PIK3R1: variants seen among roughly 807,000 people sequenced by gnomAD.
The protein encoded by PIK3R1 is phosphoinositide-3-kinase regulatory subunit 1, also known as phosphatidylinositol 3-kinase regulatory subunit alpha.
Under a neutral mutation model 98.0 loss-of-function variants are expected in PIK3R1, and 29 were observed. That is an observed-to-expected ratio of 0.30 (90% confidence interval 0.22 to 0.40). The LOEUF (loss-of-function observed/expected upper bound fraction) is 0.40. Among genes scored for constraint, PIK3R1 ranks in the 10% least tolerant of loss-of-function variants. PIK3R1 has a pLI of 1.00. For synonymous variants in PIK3R1, 282 were observed against 311.8 expected (o/e 0.90, Z 1.01); for missense variants, 596 against 872.7 (o/e 0.68, Z 3.99).
intron 2 of PIK3R1, among the ~76,000 whole-genome samples, chr5:68,244,530 G>A (rs796746635): frequency 8.0e-5 from 1 of 12,448 alleles, no homozygotes; most frequent in Non-Finnish European, 1.6e-4. Context: ...CCCGCCCCCC[G>A]CCGCCGCTTC....
At chr5:68,222,246 G>T (rs1404018909) in intron 1 of PIK3R1, among the ~76,000 whole-genome samples, 1 of 152,114 alleles carries the variant, frequency 6.6e-6, no homozygotes, top group African/African-American at 2.4e-5. Flanking sequence ...TCTCGGTAGG[G>T]GTGGTGGTTA....
chr5:68,292,449 A>G (rs765877703), intron 8 of PIK3R1, 88 bp downstream of exon 8: 3 of 1,440,394 alleles, frequency 2.1e-6, no homozygotes, highest in Admixed American at 1.7e-5. Context: ...TTAGGATATC[A>G]TCCAACATAA....
intron 2 of PIK3R1, among the ~76,000 whole-genome samples, chr5:68,230,867 C>G (rs1189014575): frequency 6.6e-6 from 1 of 152,132 alleles, no homozygotes; most frequent in Non-Finnish European, 1.5e-5. Flanking sequence ...TCGGAGAGAA[C>G]CTCTTCCATG....
At position 68,273,258 on chromosome 5, in the gene PIK3R1, T is replaced by C. The variant is rs1361707905; in HGVS notation, c.335-132T>C. 5 of 806,332 alleles carry C rather than the reference T, an allele frequency of 6.2e-6. No individual in the cohort carries two copies. The East Asian group carries it at 1.2e-4, about 20-fold the overall frequency. The allele number at this position is 806,332 out of a possible 1,614,324, so 49.9% of individuals were successfully genotyped here. On this transcript the variant is annotated intron_variant, in intron 2 of 15. Transcript: ENST00000521381. ...GGGCATATCACTTTGGCCTGGAAAG[T>C]GCAAAAGCCCAGAGCAGGGGTTCTT...
At chr5:68,293,031 C>T in intron 8 of PIK3R1, 70 bp from the exon 9 acceptor site, 1 of 1,291,524 alleles carries the variant, frequency 7.7e-7, no homozygotes, top group Non-Finnish European at 1.1e-6. Context: ...AAAAAATAGC[C>T]TATTTTAAAA....
Position 68,281,013 on chromosome 5 carries a change from C to T in PIK3R1, c.916+7C>T. 6.4e-7 allele frequency: 1 copy of T among 1,573,184 alleles called. No individual in the cohort carries two copies. On this transcript the variant is annotated splice_region_variant and intron_variant, in intron 7 of 15. Coordinates refer to ENST00000521381, the MANE Select transcript of PIK3R1 (RefSeq NM_181523.3). Reference sequence around the variant, plus strand: ...GAACGACAGCCTGCACCAGGTAATGCTTTTTGAGCATTTAACATTCTCTCA... The same window carrying T: ...GAACGACAGCCTGCACCAGGTAATGTTTTTTGAGCATTTAACATTCTCTCA...
At chr5:68,255,229 A>G (rs778283468) in intron 2 of PIK3R1, among the ~76,000 whole-genome samples, 3 of 152,194 alleles carry the variant, frequency 2.0e-5, no homozygotes, top group Non-Finnish European at 4.4e-5. Context: ...GGTCCTCTCA[A>G]AATTTTTGTC....
intron 4 of PIK3R1, among the ~76,000 whole-genome samples, chr5:68,278,053 G>C (rs1746655124): frequency 6.6e-6 from 1 of 151,940 alleles, no homozygotes; most frequent in Non-Finnish European, 1.5e-5. Flanking sequence ...GAGGCCCATG[G>C]TCACCCCTGC....
intron 2 of PIK3R1, among the ~76,000 whole-genome samples, chr5:68,235,822 TG>T (rs1744643410): frequency 6.6e-6 from 1 of 152,188 alleles, no homozygotes; most frequent in Non-Finnish European, 1.5e-5. Flanking sequence ...TTCTTCAAAA[TG>T]AACCTTAAAC....
chr5:68,261,738 AC>A (rs1370321279), intron 2 of PIK3R1, among the ~76,000 whole-genome samples: 4 of 152,192 alleles, frequency 2.6e-5, no homozygotes, highest in African/African-American at 4.8e-5. Flanking sequence ...CCAACAAAAA[AC>A]ATCTGTTGTT....
chr5:68,260,806 C>A (rs1352247626), intron 2 of PIK3R1, among the ~76,000 whole-genome samples: 1 of 152,158 alleles, frequency 6.6e-6, no homozygotes, highest in Non-Finnish European at 1.5e-5. Flanking sequence ...AAATTACGTT[C>A]TCTGATTTAT....
At chr5:68,283,176 G>T (rs1746921224) in intron 7 of PIK3R1, among the ~76,000 whole-genome samples, 1 of 152,176 alleles carries the variant, frequency 6.6e-6, no homozygotes, top group African/African-American at 2.4e-5. Flanking sequence ...CATCTCCAGC[G>T]AATGGCCATT....
chr5:68,222,063 A>G (rs1330107476), intron 1 of PIK3R1, among the ~76,000 whole-genome samples: 2 of 152,242 alleles, frequency 1.3e-5, no homozygotes, highest in Non-Finnish European at 2.9e-5. Context: ...AAAATATTAC[A>G]TTGTAGATAA....
At chr5:68,248,176 T>C (rs1468407299) in intron 2 of PIK3R1, among the ~76,000 whole-genome samples, 2 of 152,046 alleles carry the variant, frequency 1.3e-5, no homozygotes, top group African/African-American at 4.8e-5. Flanking sequence ...GATGGGGTTT[T>C]GCCATGTTGG....
chr5:68,247,045 G>A (rs556831434), intron 2 of PIK3R1, among the ~76,000 whole-genome samples: 1 of 152,198 alleles, frequency 6.6e-6, no homozygotes, highest in East Asian at 1.9e-4. Flanking sequence ...GGTGTTTGCC[G>A]TTCTCACAGG....
intron 2 of PIK3R1, among the ~76,000 whole-genome samples, chr5:68,232,519 C>T (rs1346946985): frequency 1.3e-5 from 2 of 152,144 alleles, no homozygotes; most frequent in African/African-American, 4.8e-5. Flanking sequence ...AGGCATTTCT[C>T]CCTCCTTCCC....
At position 68,226,759 on chromosome 5, in the gene PIK3R1, C is replaced by T. The variant is rs868241006; in HGVS notation, c.84C>T (p.Asp28=). Residue 28 remains aspartate (D), a synonymous_variant, in exon 2 of 16, where the codon GAC becomes GAT. Transcript: ENST00000521381. ...AAGATATTGACTTGCACTTGGGTGA[C>T]ATATTGACTGTGAATAAAGGGTCCT... ...REEDIDLHLG[D]ILTVNKGSLV... 2 of 1,614,036 alleles carry T rather than the reference C, an allele frequency of 1.2e-6. No homozygotes were observed.
intron 7 of PIK3R1, chr5:68,288,416 G>A (rs894362559): frequency 7.4e-6 from 9 of 1,221,464 alleles, no homozygotes; most frequent in Non-Finnish European, 9.2e-6. Flanking sequence ...TTTCCTCCCC[G>A]ATACAGTAGC....
At chr5:68,261,202 T>A (rs932411117) in intron 2 of PIK3R1, among the ~76,000 whole-genome samples, 1 of 152,234 alleles carries the variant, frequency 6.6e-6, no homozygotes, top group African/African-American at 2.4e-5. Context: ...AATGTAAATT[T>A]AGTAATTTTA....
Sources: gnomAD v4.1 joint callset for allele counts (sites outside exome capture counted in the v4.1 genomes callset) on GRCh38, gnomAD v4.1.1 for gene constraint, MANE v1.5 for transcripts, NCBI Gene and HGNC (gene_info 2026-07-23, HGNC 2026-07-21) for gene names.